RFC3: variants seen among roughly 807,000 people sequenced by gnomAD.
RFC3 encodes A1 38 kDa subunit.
In RFC3, 41 loss-of-function variants were observed where a neutral mutation model predicts 45.1. That is an observed-to-expected ratio of 0.91 (90% confidence interval 0.71 to 1.18). The LOEUF is 1.18. Among genes scored for constraint, RFC3 ranks in the 50% most tolerant of loss-of-function variants. The pLI, the probability that RFC3 is intolerant of heterozygous loss-of-function variation, is 0.00. For synonymous variants in RFC3, 149 were observed against 144.0 expected, an observed-to-expected ratio of 1.03 and a Z score of -0.25; for missense variants, 423 against 428.1, an observed-to-expected ratio of 0.99 and a Z score of 0.10.
chr13:33,948,102 C>A (rs1035881320), intron 8 of RFC3, among the ~76,000 whole-genome samples: 7 of 152,178 alleles, frequency 4.6e-5, no homozygotes, highest in African/African-American at 1.4e-4. Flanking sequence ...CATGGCAGCC[C>A]CTTCCATCAC....
At chr13:33,838,282 C>CT (rs953172988), downstream of RFC3, among the ~76,000 whole-genome samples, 3 of 152,056 alleles carry the variant, frequency 2.0e-5, no homozygotes, top group African/African-American at 7.2e-5. Flanking sequence ...TGAAAATCTA[C>CT]TTTTTTTAAT....
intron 8 of RFC3, among the ~76,000 whole-genome samples, chr13:33,859,535 A>G (rs551410791): frequency 2.6e-4 from 40 of 152,324 alleles, no homozygotes; most frequent in Admixed American, 9.2e-4. Context: ...TTAGAAGTAT[A>G]CTCAGAAAAG....
chr13:33,832,755 TTTTACTTTTATAAAATA>T (rs2082116160), intron 7 of RFC3, among the ~76,000 whole-genome samples: 1 of 152,200 alleles, frequency 6.6e-6, no homozygotes, highest in South Asian at 2.1e-4. Flanking sequence ...CTTAGGTGCC[TTTTACTTTTATAAAATA>T]TTTCTACACT....
chr13:33,925,231 C>T (rs1205035002), intron 8 of RFC3, among the ~76,000 whole-genome samples: 21 of 77,500 alleles, frequency 2.7e-4, no homozygotes, highest in African/African-American at 1.1e-3. Flanking sequence ...TATACATACA[C>T]ATATAGTGTA....
intron 8 of RFC3, among the ~76,000 whole-genome samples, chr13:33,888,935 G>A (rs1183919445): frequency 6.6e-6 from 1 of 151,956 alleles, no homozygotes; most frequent in Admixed American, 6.6e-5. Context: ...TAGTAGAGAC[G>A]GGGTTTCACC....
At chr13:33,942,697 T>C (rs1369131450) in intron 8 of RFC3, among the ~76,000 whole-genome samples, 1 of 152,180 alleles carries the variant, frequency 6.6e-6, no homozygotes. Context: ...TGTTTTGGGG[T>C]ACATGGTACT....
downstream of RFC3, among the ~76,000 whole-genome samples, chr13:33,969,671 A>G (rs1269482530): frequency 6.6e-6 from 1 of 152,218 alleles, no homozygotes; most frequent in Non-Finnish European, 1.5e-5. Flanking sequence ...CCTGAAAGTC[A>G]GGAGACTTGC....
rs1036570407 is a variant in RFC3 at position 33,920,952 on chromosome 13, A to G, written c.880-45135A>G. Among the ~76,000 whole-genome samples the G allele has an allele frequency of 2.0e-5, 3 of 152,090 alleles. No individual in the cohort carries two copies. The East Asian group carries it at 5.8e-4, about 29-fold the overall frequency. On this transcript the variant is annotated intron_variant, in intron 8 of 8. Transcript: ENST00000434425. ...ATATAGAGGCAAATTTATGTTTCCA[A>G]CGTACCTCGTATATGCCTCAGTTAT... is the stretch of plus-strand genomic sequence containing the variant.
At chr13:33,925,980 T>C (rs1438866919) in intron 8 of RFC3, among the ~76,000 whole-genome samples, 1 of 151,902 alleles carries the variant, frequency 6.6e-6, no homozygotes, top group Non-Finnish European at 1.5e-5. Context: ...AATGATAGAC[T>C]GGATTAGGAA....
intron 8 of RFC3, among the ~76,000 whole-genome samples, chr13:33,897,633 G>A (rs1199924119): frequency 6.6e-6 from 1 of 151,848 alleles, no homozygotes; most frequent in Non-Finnish European, 1.5e-5. Context: ...GTGGCAGAAG[G>A]GATAAAACAA....
chr13:33,823,763 A>G lies in RFC3; in HGVS notation c.226-154A>G, dbSNP rs562147366. Among the ~76,000 whole-genome samples the G allele has an allele frequency of 7.2e-5, 11 of 152,266 alleles. No homozygotes were observed. In the South Asian group the frequency reaches 2.1e-3, roughly 29 times the overall value. On this transcript the variant is annotated intron_variant, in intron 2 of 8. Coordinates refer to ENST00000380071, the MANE Select transcript of RFC3 (RefSeq NM_002915.4). ...TATATAAAAACATGTTTATCTGCAC[A>G]TTGAGAAAAGAGTGGGATTAACAAA...
chr13:33,856,306 A>C (rs755806605), intron 8 of RFC3, among the ~76,000 whole-genome samples: 1 of 152,164 alleles, frequency 6.6e-6, no homozygotes, highest in South Asian at 2.1e-4. Context: ...GGACACAGAC[A>C]GGTAAACAGC....
At chr13:33,947,214 T>C (rs1258270058) in intron 8 of RFC3, among the ~76,000 whole-genome samples, 1 of 152,128 alleles carries the variant, frequency 6.6e-6, no homozygotes, top group African/African-American at 2.4e-5. Flanking sequence ...AATTGGACCA[T>C]GGGGGTGATT....
chr13:33,905,162 G>A (rs941168293), intron 8 of RFC3, among the ~76,000 whole-genome samples: 3 of 150,502 alleles, frequency 2.0e-5, no homozygotes. Context: ...ATCAGGATAG[G>A]CCTACAATCA....
chr13:33,919,273 A>G (rs2082752685), intron 8 of RFC3, among the ~76,000 whole-genome samples: 2 of 151,972 alleles, frequency 1.3e-5, no homozygotes, highest in Non-Finnish European at 2.9e-5. Context: ...GTATTTGACT[A>G]CTATTCTGCA....
chr13:33,913,423 T>TA (rs2137707714), intron 8 of RFC3, among the ~76,000 whole-genome samples: 1 of 152,254 alleles, frequency 6.6e-6, no homozygotes, highest in Non-Finnish European at 1.5e-5. Flanking sequence ...GGAATAATAG[T>TA]AAAATTGTTC....
intron 8 of RFC3, among the ~76,000 whole-genome samples, chr13:33,902,449 T>G (rs2082647444): frequency 6.6e-6 from 1 of 152,100 alleles, no homozygotes; most frequent in Non-Finnish European, 1.5e-5. Flanking sequence ...CCATGTCACT[T>G]ATTAATTATA....
At chr13:33,967,167 A>T (rs1261878116), downstream of RFC3, among the ~76,000 whole-genome samples, 1 of 151,602 alleles carries the variant, frequency 6.6e-6, no homozygotes, top group African/African-American at 2.4e-5. Context: ...TAAAAAATTA[A>T]AAAAAAAATT....
chr13:33,886,748 A>G (rs950824318), intron 8 of RFC3, among the ~76,000 whole-genome samples: 1 of 146,506 alleles, frequency 6.8e-6, no homozygotes, highest in African/African-American at 2.5e-5. Flanking sequence ...CTCATCATTT[A>G]GCATTAGGTA....
Sources: allele counts gnomAD v4.1 joint callset (sites outside exome capture counted in the v4.1 genomes callset), GRCh38; gene constraint gnomAD v4.1.1; transcripts MANE v1.5; gene names NCBI Gene and HGNC (gene_info 2026-07-23, HGNC 2026-07-21).